The following CPQ variants were observed in gnomAD, a reference collection of about 807,000 sequenced individuals.
CPQ encodes carboxypeptidase Q, also known as Ser-Met dipeptidase.
Under a neutral mutation model 45.7 loss-of-function variants are expected in CPQ, and 37 were observed. The observed-to-expected ratio is 0.81, with a 90% CI of 0.62 to 1.07. The LOEUF (loss-of-function observed/expected upper bound fraction) is 1.07, where lower values mean the gene tolerates loss of function less well. Among genes scored for constraint, CPQ ranks in the 50% least tolerant of loss-of-function variants. CPQ has a pLI of 0.00. For missense variants in CPQ, 537 were observed against 572.9 expected (o/e 0.94, Z 0.64); for synonymous variants, 186 against 205.8 (o/e 0.90, Z 0.82).
chr8:96,933,067 T>G lies in CPQ; in HGVS notation c.850-32868T>G, dbSNP rs1812995392. Among the ~76,000 whole-genome samples, 8 of 152,312 alleles carry G rather than the reference T, an allele frequency of 5.3e-5. No homozygotes were observed. In the South Asian group the frequency reaches 1.7e-3, roughly 32 times the overall value. ...TCAACTCTTTCAGATGGTAGAATCC[T>G]TGCTTGCCTCAGAGAGGACCACTGA... On this transcript the variant is annotated intron_variant, in intron 4 of 7. Transcript: ENST00000220763.
intron 4 of CPQ, among the ~76,000 whole-genome samples, chr8:96,894,866 C>T (rs1474495540): frequency 1.3e-5 from 2 of 152,164 alleles, no homozygotes; most frequent in Non-Finnish European, 2.9e-5. Flanking sequence ...GGATTTTCTG[C>T]AGGATTTCAC....
chr8:96,817,235 T>C (rs966805810), intron 2 of CPQ, among the ~76,000 whole-genome samples: 1 of 152,170 alleles, frequency 6.6e-6, no homozygotes, highest in African/African-American at 2.4e-5. Context: ...TAGCACTTGC[T>C]GCTTCACCTT....
At chr8:96,764,695 T>A (rs1810445457) in intron 1 of CPQ, among the ~76,000 whole-genome samples, 1 of 152,148 alleles carries the variant, frequency 6.6e-6, no homozygotes, top group Non-Finnish European at 1.5e-5. Flanking sequence ...TATTAAAATT[T>A]CCCCTATCCC....
chr8:97,017,624 G>A (rs1326139342), intron 5 of CPQ, among the ~76,000 whole-genome samples: 1 of 152,090 alleles, frequency 6.6e-6, no homozygotes, highest in Non-Finnish European at 1.5e-5. Context: ...GATGAGGCCT[G>A]TGACTGCCGG....
intron 5 of CPQ, among the ~76,000 whole-genome samples, chr8:97,028,875 T>C (rs1169368095): frequency 6.6e-6 from 1 of 152,208 alleles, no homozygotes; most frequent in Non-Finnish European, 1.5e-5. Context: ...AAATTGGCCA[T>C]GGAGAAGCAT....
Position 97,050,847 on chromosome 8 carries a change from T to G in CPQ, c.1054-15162T>G, listed in dbSNP as rs74890462. Among the ~76,000 whole-genome samples the G allele has an allele frequency of 3.1e-3, 477 of 152,332 alleles. 1 individual carries two copies. The highest frequency in any genetic ancestry group is 0.024 in the Middle Eastern group (7 of 294). ...GCCTACATAGCAACTTAAGTAATGG[T>G]TACTCTACTTATTAGTCACTTTTGT... On this transcript the variant is annotated intron_variant, in intron 6 of 7. Transcript: ENST00000220763.
At chr8:96,727,863 C>A (rs1367314999) in intron 1 of CPQ, among the ~76,000 whole-genome samples, 2 of 152,148 alleles carry the variant, frequency 1.3e-5, no homozygotes, top group Non-Finnish European at 2.9e-5. Flanking sequence ...AAATAGTTAT[C>A]TAGATTTTTA....
Position 96,758,132 on chromosome 8 carries a change from C to A in CPQ, c.-34-26732C>A, listed in dbSNP as rs1028048549. Reference sequence around the variant, plus strand: ...AGTTTTTTCTAAATAACTGTGCTTCCACTCATGCTGATTATTTTGCTAAGT... The same window carrying A: ...AGTTTTTTCTAAATAACTGTGCTTCAACTCATGCTGATTATTTTGCTAAGT... On this transcript the variant is annotated intron_variant, in intron 1 of 7. Coordinates refer to ENST00000220763, the MANE Select transcript of CPQ (RefSeq NM_016134.4). 4.8e-3 allele frequency among the ~76,000 whole-genome samples: 723 copies of A among 152,196 alleles called. 11 individuals are homozygous for A. The highest frequency in any genetic ancestry group is 0.012 in the African/African-American group (509 of 41,530).
intron 1 of CPQ, among the ~76,000 whole-genome samples, chr8:96,728,982 C>G (rs1047170207): frequency 1.3e-5 from 2 of 152,128 alleles, no homozygotes; most frequent in African/African-American, 4.8e-5. Context: ...AAGCCCATGT[C>G]CTATTGGATG....
intron 2 of CPQ, among the ~76,000 whole-genome samples, chr8:96,786,278 T>C (rs1018149605): frequency 2.6e-5 from 4 of 152,176 alleles, no homozygotes; most frequent in Non-Finnish European, 5.9e-5. Flanking sequence ...TAATAAATTA[T>C]GTGATCTTTC....
chr8:96,755,834 A>G (rs892127268), intron 1 of CPQ, among the ~76,000 whole-genome samples: 21 of 152,012 alleles, frequency 1.4e-4, no homozygotes, highest in Non-Finnish European at 2.8e-4. Context: ...TGATGCTATG[A>G]GAATAAACAC....
chr8:96,766,753 C>A (rs1003947085), intron 1 of CPQ, among the ~76,000 whole-genome samples: 2 of 152,138 alleles, frequency 1.3e-5, no homozygotes, highest in African/African-American at 4.8e-5. Context: ...CACTCTTGGC[C>A]AGGCACTAAC....
intron 3 of CPQ, among the ~76,000 whole-genome samples, 199 bp from the exon 4 acceptor site, chr8:96,879,599 G>C (rs933770683): frequency 6.6e-6 from 1 of 152,170 alleles, no homozygotes; most frequent in Non-Finnish European, 1.5e-5. Flanking sequence ...TTATTAAATT[G>C]AAGTTTCTAA....
intron 4 of CPQ, among the ~76,000 whole-genome samples, chr8:96,904,634 G>T (rs945925387): frequency 6.6e-6 from 1 of 152,142 alleles, no homozygotes; most frequent in Non-Finnish European, 1.5e-5. Context: ...TTTTTAAAAA[G>T]GGCCCATCTC....
intron 1 of CPQ, among the ~76,000 whole-genome samples, chr8:96,657,200 C>T (rs546244651): frequency 6.6e-6 from 1 of 152,156 alleles, no homozygotes; most frequent in East Asian, 1.9e-4. Flanking sequence ...CAAAAATTAG[C>T]TGGACGTGGT....
At chr8:96,689,235 C>G (rs533741647) in intron 1 of CPQ, among the ~76,000 whole-genome samples, 1 of 152,256 alleles carries the variant, frequency 6.6e-6, no homozygotes, top group African/African-American at 2.4e-5. Flanking sequence ...AATACAGAAG[C>G]AGAAAAGGAT....
intron 7 of CPQ, among the ~76,000 whole-genome samples, chr8:97,067,430 AG>A (rs1190863141): frequency 5.3e-5 from 8 of 152,336 alleles, no homozygotes; most frequent in African/African-American, 1.7e-4. Context: ...ACATTTGAAC[AG>A]TTTTAACATT....
At chr8:96,689,212 C>T (rs746640573) in intron 1 of CPQ, among the ~76,000 whole-genome samples, 19 of 152,164 alleles carry the variant, frequency 1.2e-4, no homozygotes, top group Admixed American at 2.0e-4. Context: ...TGGGGAGAAC[C>T]TCCTAGTTCT....
At chr8:96,864,253 T>C (rs1811967356) in intron 3 of CPQ, among the ~76,000 whole-genome samples, 4 of 151,996 alleles carry the variant, frequency 2.6e-5, no homozygotes, top group African/African-American at 9.7e-5. Flanking sequence ...CCTAGTATGT[T>C]TAGCTGTTCC....
Sources: allele counts gnomAD v4.1 joint callset (sites outside exome capture counted in the v4.1 genomes callset), GRCh38; gene constraint gnomAD v4.1.1; transcripts MANE v1.5; gene names NCBI Gene and HGNC (gene_info 2026-07-23, HGNC 2026-07-21).